Variants in TRIP13 observed in about 807,000 individuals in gnomAD.
TRIP13 encodes the protein pachytene checkpoint protein 2 homolog.
Under a neutral mutation model 54.4 loss-of-function variants are expected in TRIP13, and 25 were observed. That is an observed-to-expected ratio of 0.46 (90% CI 0.33 to 0.64). The LOEUF (loss-of-function observed/expected upper bound fraction) is 0.64, where lower values mean the gene tolerates loss of function less well. Among genes scored for constraint, TRIP13 ranks in the 30% least tolerant of loss-of-function variants. The pLI is 0.02. For missense variants in TRIP13, 373 were observed against 534.2 expected (o/e 0.70, Z 2.97); for synonymous variants, 207 against 207.8 (o/e 1.00, Z 0.03).
intron 6 of TRIP13, among the ~76,000 whole-genome samples, chr5:906,604 G>A (rs2150687262): frequency 6.6e-6 from 1 of 152,292 alleles, no homozygotes; most frequent in African/African-American, 2.4e-5. Flanking sequence ...CTTGTTCTCT[G>A]GTGATTTAGT....
chr5:894,108 C>T (rs1249720617), intron 1 of TRIP13, among the ~76,000 whole-genome samples: 1 of 152,078 alleles, frequency 6.6e-6, no homozygotes, highest in Non-Finnish European at 1.5e-5. Flanking sequence ...GGTGCTGGGA[C>T]GATTGCAAAG....
Position 912,065 on chromosome 5 carries a change from C to G in TRIP13, c.1020+69C>G, listed in dbSNP as rs1579202714. The G allele has an allele frequency of 5.2e-6, 8 of 1,538,770 alleles. No individual in the cohort carries two copies. The highest frequency in any genetic ancestry group is 2.3e-5 in the East Asian group (1 of 44,256). On this transcript the variant is annotated intron_variant, in intron 10 of 12. Coordinates refer to ENST00000166345, the MANE Select transcript of TRIP13 (RefSeq NM_004237.4). This position sits in a 1 kb window ranked among gnomAD's most constrained non-coding sequence, Gnocchi z 7.2. ...ATATGTTCTTAATTAATTAAGATAG[C>G]TTAAAATAAGCTCGTTCCAGTACGG...
intron 5 of TRIP13, among the ~76,000 whole-genome samples, chr5:903,292 A>G (rs560603297): frequency 1.2e-3 from 180 of 152,250 alleles, no homozygotes; most frequent in African/African-American, 4.1e-3. Context: ...GGCCCTGTCC[A>G]GGCATAACAG....
intron 1 of TRIP13, among the ~76,000 whole-genome samples, chr5:894,190 G>A (rs151104693): frequency 2.1e-4 from 32 of 152,290 alleles, no homozygotes; most frequent in African/African-American, 7.2e-4. Flanking sequence ...ACATTGAATA[G>A]GACTTAGAGG....
rs781257269 is a variant in TRIP13 at position 917,143 on chromosome 5, A to G, written c.*40A>G. 6 of 1,602,700 alleles carry G rather than the reference A, an allele frequency of 3.7e-6. No individual in the cohort carries two copies. Among genetic ancestry groups the G allele is most frequent in the East Asian group, 2.2e-5 (1 of 44,802 alleles). On this transcript the variant is annotated 3_prime_UTR_variant, in exon 13 of 13. Coordinates refer to ENST00000166345, the MANE Select transcript of TRIP13 (RefSeq NM_004237.4). ...ATCTGGTGCTTTTCCCATGGAGAAC[A>G]CACAACCAGTAAGTGAGGTTGCCCC...
intron 5 of TRIP13, 50 bp downstream of exon 5, chr5:901,481 C>T: frequency 6.4e-7 from 1 of 1,570,836 alleles, no homozygotes; most frequent in Non-Finnish European, 8.7e-7. Context: ...TGAAATTTAG[C>T]CTTTACTTGT....
At chr5:893,279 A>T (rs1047625732) in intron 1 of TRIP13, among the ~76,000 whole-genome samples, 189 bp downstream of exon 1, 1 of 151,266 alleles carries the variant, frequency 6.6e-6, no homozygotes, top group Admixed American at 6.6e-5. Context: ...ACGCGACCCC[A>T]CCGCAGGGCA....
At chr5:910,984 G>A (rs576230425) in intron 9 of TRIP13, among the ~76,000 whole-genome samples, 1 of 152,354 alleles carries the variant, frequency 6.6e-6, no homozygotes, top group Non-Finnish European at 1.5e-5. Flanking sequence ...GGCAGCAGTG[G>A]TAGCACTGCC....
chr5:904,986 A>G (rs577164953), intron 6 of TRIP13, among the ~76,000 whole-genome samples: 10 of 152,198 alleles, frequency 6.6e-5, no homozygotes, highest in African/African-American at 9.6e-5. Context: ...TAGGGGTCAC[A>G]TGGTTTTGCT....
chr5:914,713 G>A, intron 11 of TRIP13, 136 bp downstream of exon 11: 1 of 670,970 alleles, frequency 1.5e-6, no homozygotes. Flanking sequence ...GAACATGCAT[G>A]TACACACGTG....
In TRIP13 at chr5:917,095, T is replaced by TA. The variant is rs1235023645; in HGVS notation, c.1292dup (p.Tyr431Ter). The change falls in exon 13 of 13, where the codon TAC becomes TAAC. Residue 431 changes from tyrosine (Y) to a stop codon, truncating the protein, a stop_gained and frameshift_variant. Transcript: ENST00000166345. LOFTEE classifies it high-confidence loss of function. ...QFEERKKLAA[Y>*]I ...TGAAGAGAGAAAGAAGCTTGCAGCT[T>TA]ACATCTGATCCTGGGCTTCCCCATC... 1 of 1,613,872 alleles carries TA rather than the reference T, an allele frequency of 6.2e-7. No homozygotes were observed. The highest frequency in any genetic ancestry group is 8.5e-7 in the Non-Finnish European group (1 of 1,179,980).
chr5:902,990 C>T (rs1286334530), intron 5 of TRIP13, among the ~76,000 whole-genome samples: 1 of 152,142 alleles, frequency 6.6e-6, no homozygotes, highest in Non-Finnish European at 1.5e-5. Flanking sequence ...GCCAGGTGTA[C>T]AGGATGGAAC....
chr5:914,323 C>A (rs1754299268), intron 10 of TRIP13, 142 bp from the exon 11 acceptor site: 7 of 653,250 alleles, frequency 1.1e-5, no homozygotes, highest in South Asian at 1.1e-4. Context: ...TGCAGCTGTG[C>A]ATCTTGAGTC....
Position 915,057 on chromosome 5 carries a change from CG to C in TRIP13, c.1133+486del, listed in dbSNP as rs1329484423. On this transcript the variant is annotated intron_variant, in intron 11 of 12. Coordinates refer to ENST00000166345, the MANE Select transcript of TRIP13 (RefSeq NM_004237.4). This position sits in a 1 kb window ranked among gnomAD's most constrained non-coding sequence, Gnocchi z 4.2. ...GGAGGCTGGGGAGGTGCCGGAGAGG[CG>C]GGGGGTGGAATGGACAGAGCCTCGG... Among the ~76,000 whole-genome samples the C allele has an allele frequency of 1.3e-5, 2 of 151,800 alleles. No individual in the cohort carries two copies. The highest frequency in any genetic ancestry group is 4.8e-5 in the African/African-American group (2 of 41,284).
rs779893282 is a variant in TRIP13, at chr5:911,570, CAAA to C, written c.867-260_867-258del. Reference sequence around the variant, plus strand: ...TGGGCGAAAGAGCGAGACTCTGTCTCAAAAAAAAAAAAAAAGGAAAGTGAGATC... The same window carrying C: ...TGGGCGAAAGAGCGAGACTCTGTCTCAAAAAAAAAAAAGGAAAGTGAGATC... On this transcript the variant is annotated intron_variant, in intron 9 of 12. Transcript: ENST00000166345. The surrounding 1 kb of genome is among the most constrained non-coding windows in gnomAD (Gnocchi z 4.7). 4.4e-5 allele frequency among the ~76,000 whole-genome samples: 4 copies of C among 91,714 alleles called. No individual in the cohort carries two copies. The highest frequency in any genetic ancestry group is 3.5e-4 in the South Asian group (1 of 2,850). 60.2% of individuals were successfully genotyped at this position (91,714 alleles called of 152,430 possible). A position where few individuals can be genotyped will look rare whatever the true frequency, so the allele number is the denominator to read the frequency against.
chr5:904,332 G>C, intron 6 of TRIP13, 112 bp downstream of exon 6: 1 of 840,214 alleles, frequency 1.2e-6, no homozygotes, highest in South Asian at 1.8e-5. Context: ...CCTCTCCACT[G>C]TAAGTCACTT....
intron 2 of TRIP13, among the ~76,000 whole-genome samples, chr5:896,297 A>G (rs7715093): frequency 0.047 from 7,176 of 152,328 alleles, 530 homozygotes; most frequent in African/African-American, 0.16. Context: ...CTGGGCGACA[A>G]AGCAAGATCC....
At chr5:895,056 C>G (rs1411206556) in intron 2 of TRIP13, 104 bp downstream of exon 2, 1 of 1,309,796 alleles carries the variant, frequency 7.6e-7, no homozygotes, top group East Asian at 2.4e-5. Context: ...AACAGGTTCA[C>G]TTCTCTGTTG....
At chr5:893,234 A>G (rs1753734025) in intron 1 of TRIP13, 144 bp downstream of exon 1, 1 of 832,212 alleles carries the variant, frequency 1.2e-6, no homozygotes. Context: ...CCGGGCGCAC[A>G]GGCCGCCGGG....
Sources: allele counts gnomAD v4.1 joint callset (sites outside exome capture counted in the v4.1 genomes callset), GRCh38; gene constraint gnomAD v4.1.1; non-coding constraint Gnocchi (gnomAD v3.1); transcripts MANE v1.5; gene names NCBI Gene and HGNC (gene_info 2026-07-23, HGNC 2026-07-21).